Variants in TLL1 observed in about 807,000 individuals in gnomAD.
TLL1 encodes tolloid like 1.
Under a neutral mutation model 128.2 loss-of-function variants are expected in TLL1, and 49 were observed. The observed-to-expected ratio is 0.38, with a 90% CI of 0.30 to 0.48. The LOEUF (loss-of-function observed/expected upper bound fraction) is 0.48. Among genes scored for constraint, TLL1 ranks in the 20% least tolerant of loss-of-function variants. The pLI is 0.96. For missense variants in TLL1, 1,123 were observed against 1,242.0 expected (o/e 0.90, Z 1.44); for synonymous variants, 454 against 418.8 (o/e 1.08, Z -1.03).
intron 18 of TLL1, among the ~76,000 whole-genome samples, chr4:166,080,836 G>T (rs1741255595): frequency 1.3e-5 from 2 of 152,052 alleles, no homozygotes; most frequent in South Asian, 2.1e-4. Flanking sequence ...TTTTCTCAAT[G>T]CTTCTATTTT....
At position 166,053,697 on chromosome 4, in the gene TLL1, TC is replaced by T. The variant is rs1422323384; in HGVS notation, c.1525-1377del. Among the ~76,000 whole-genome samples the T allele has an allele frequency of 2.0e-5, 3 of 152,314 alleles. No homozygotes were observed. The East Asian group carries it at 5.8e-4, about 29-fold the overall frequency. On this transcript the variant is annotated intron_variant, in intron 12 of 20. Coordinates refer to ENST00000061240, the MANE Select transcript of TLL1 (RefSeq NM_012464.5). The stretch of plus-strand genomic sequence containing the variant: ...CAGTTTCATGCGTTCAAGTTGCAGT[TC>T]CATGGACATTCCCCGATATTCCTTG...
chr4:165,947,445 G>T (rs1734309057), intron 1 of TLL1, among the ~76,000 whole-genome samples: 1 of 152,032 alleles, frequency 6.6e-6, no homozygotes, highest in Admixed American at 6.6e-5. Context: ...AAATATGTGA[G>T]AGGAAAGAGA....
At chr4:165,932,566 G>T (rs751230457) in intron 1 of TLL1, among the ~76,000 whole-genome samples, 12 of 152,092 alleles carry the variant, frequency 7.9e-5, no homozygotes, top group Non-Finnish European at 1.5e-4. Context: ...TCAGTCATGG[G>T]GCTAGAAATG....
chr4:165,895,238 CTA>C (rs931269005), intron 1 of TLL1, among the ~76,000 whole-genome samples: 16 of 152,024 alleles, frequency 1.1e-4, no homozygotes, highest in African/African-American at 3.4e-4. Context: ...GTGTGACTGT[CTA>C]TGTGGAAATC....
intron 15 of TLL1, among the ~76,000 whole-genome samples, chr4:166,062,965 T>A (rs1484316979): frequency 1.3e-5 from 2 of 152,218 alleles, no homozygotes; most frequent in African/African-American, 4.8e-5. Flanking sequence ...TTTCTGCATC[T>A]ATTGAGATAA....
intron 13 of TLL1, 96 bp from the exon 14 acceptor site, chr4:166,057,088 C>G: frequency 7.0e-7 from 1 of 1,425,100 alleles, no homozygotes; most frequent in South Asian, 1.2e-5. Flanking sequence ...AGATATCATT[C>G]AAGGTGAGAT....
At chr4:165,944,044 C>A (rs1248133317) in intron 1 of TLL1, among the ~76,000 whole-genome samples, 1 of 151,986 alleles carries the variant, frequency 6.6e-6, no homozygotes, top group Admixed American at 6.6e-5. Context: ...TAATGAAATG[C>A]CCCTTTGGAA....
intron 1 of TLL1, among the ~76,000 whole-genome samples, chr4:165,949,290 G>T (rs111628291): frequency 2.2e-4 from 34 of 152,098 alleles, no homozygotes; most frequent in Non-Finnish European, 4.3e-4. Flanking sequence ...TGAATTTTTT[G>T]AATTTACTTG....
chr4:166,073,061 G>A (rs1026036673), intron 16 of TLL1, among the ~76,000 whole-genome samples: 8 of 152,094 alleles, frequency 5.3e-5, no homozygotes, highest in Admixed American at 3.3e-4. Context: ...AAGGAAATAT[G>A]TGTCTATTTC....
chr4:166,043,520 CT>C, intron 12 of TLL1, 101 bp downstream of exon 12: 2 of 1,541,564 alleles, frequency 1.3e-6, no homozygotes, highest in Non-Finnish European at 1.8e-6. Flanking sequence ...GAGAGTCAGC[CT>C]TTTAATCAGC....
At chr4:165,902,089 TC>T (rs1404926640) in intron 1 of TLL1, among the ~76,000 whole-genome samples, 1 of 151,944 alleles carries the variant, frequency 6.6e-6, no homozygotes, top group Non-Finnish European at 1.5e-5. Context: ...TGGATGCCCC[TC>T]CCCCCACGAA....
chr4:166,073,445 C>T (rs12331553), intron 16 of TLL1, among the ~76,000 whole-genome samples: 3,976 of 152,088 alleles, frequency 0.026, 177 homozygotes, highest in African/African-American at 0.09. Flanking sequence ...TTCTACATTT[C>T]GGTGTTTGAT....
intron 8 of TLL1, among the ~76,000 whole-genome samples, chr4:166,015,209 C>A (rs1194424638): frequency 6.6e-6 from 1 of 152,002 alleles, no homozygotes; most frequent in South Asian, 2.1e-4. Context: ...CCAGTATACT[C>A]ACAATATTTG....
At chr4:166,058,879 G>C (rs995123460) in intron 14 of TLL1, among the ~76,000 whole-genome samples, 2 of 151,914 alleles carry the variant, frequency 1.3e-5, no homozygotes, top group Non-Finnish European at 2.9e-5. Flanking sequence ...CTTAATGCAC[G>C]CCCCCCTGCT....
intron 1 of TLL1, among the ~76,000 whole-genome samples, chr4:165,913,512 G>A (rs1732639985): frequency 6.6e-6 from 1 of 152,126 alleles, no homozygotes; most frequent in Non-Finnish European, 1.5e-5. Flanking sequence ...TAGGTATGAA[G>A]GTCTAGTTGA....
intron 8 of TLL1, among the ~76,000 whole-genome samples, chr4:166,021,099 T>C (rs186704126): frequency 1.3e-5 from 2 of 152,342 alleles, no homozygotes; most frequent in East Asian, 3.9e-4. Flanking sequence ...TTAAAGCTTC[T>C]TTTCAATTAC....
intron 19 of TLL1, among the ~76,000 whole-genome samples, chr4:166,098,150 A>T (rs1451266926): frequency 6.6e-6 from 1 of 152,014 alleles, no homozygotes; most frequent in East Asian, 1.9e-4. Context: ...CCTGGCCAAC[A>T]TGATGAAACC....
chr4:165,899,351 G>T (rs1731843510), intron 1 of TLL1, among the ~76,000 whole-genome samples: 1 of 152,076 alleles, frequency 6.6e-6, no homozygotes, highest in South Asian at 2.1e-4. Flanking sequence ...TTTCTCCTAT[G>T]GGCATTTAGT....
intron 1 of TLL1, among the ~76,000 whole-genome samples, chr4:165,977,360 G>A (rs554479179): frequency 7.2e-5 from 11 of 152,118 alleles, no homozygotes; most frequent in Admixed American, 2.6e-4. Flanking sequence ...ACACTCTCTC[G>A]CCTGCCTCCA....
Sources: allele counts gnomAD v4.1 joint callset (sites outside exome capture counted in the v4.1 genomes callset), GRCh38; gene constraint gnomAD v4.1.1; transcripts MANE v1.5; gene names NCBI Gene and HGNC (gene_info 2026-07-23, HGNC 2026-07-21).